Variants in RALGPS1 observed in about 807,000 individuals in gnomAD.
The protein encoded by RALGPS1 is ras-specific guanine nucleotide-releasing factor RalGPS1.
Under a neutral mutation model 78.8 loss-of-function variants are expected in RALGPS1, and 19 were observed. The ratio of observed to expected loss-of-function variants is 0.24; its 90% CI spans 0.17 to 0.35. The LOEUF (loss-of-function observed/expected upper bound fraction) is 0.35. Among genes scored for constraint, RALGPS1 ranks in the 10% least tolerant of loss-of-function variants. The pLI is 1.00. For synonymous variants in RALGPS1, 228 were observed against 256.3 expected (o/e 0.89, Z 1.06); for missense variants, 454 against 688.3 (o/e 0.66, Z 3.81).
chr9:127,145,820 CCT>C (rs2058062707), intron 8 of RALGPS1, among the ~76,000 whole-genome samples: 1 of 152,230 alleles, frequency 6.6e-6, no homozygotes. Context: ...AGCTTCCCAA[CCT>C]CTCTGACCTT....
intron 4 of RALGPS1, among the ~76,000 whole-genome samples, chr9:127,014,519 C>T (rs2044639407): frequency 2.0e-5 from 3 of 152,078 alleles, no homozygotes; most frequent in Non-Finnish European, 2.9e-5. Flanking sequence ...GATCAAAAAG[C>T]GAGTTAACTG....
chr9:126,924,861 G>C (rs1051797669), intron 1 of RALGPS1, among the ~76,000 whole-genome samples: 26 of 152,236 alleles, frequency 1.7e-4, no homozygotes, highest in East Asian at 1.2e-3. Context: ...CGTGGTGGCT[G>C]ACGCCTGTAA....
chr9:127,137,952 C>T (rs1262646034), intron 8 of RALGPS1, among the ~76,000 whole-genome samples: 1 of 152,148 alleles, frequency 6.6e-6, no homozygotes, highest in Non-Finnish European at 1.5e-5. Context: ...ACACGTAGCC[C>T]TCAGAGAATG....
At chr9:126,969,186 A>G (rs190061052) in intron 3 of RALGPS1, among the ~76,000 whole-genome samples, 274 of 152,344 alleles carry the variant, frequency 1.8e-3, no homozygotes, top group African/African-American at 5.5e-3. Flanking sequence ...AATTATTGAA[A>G]TACTTTATAT....
intron 8 of RALGPS1, chr9:127,108,830 G>T: frequency 1.6e-6 from 2 of 1,284,764 alleles, no homozygotes; most frequent in South Asian, 3.0e-5. Context: ...CACTGTCAGT[G>T]CCCTGTGCCA....
In RALGPS1 at chr9:127,219,172, C is replaced by T. The variant is rs1385063307; in HGVS notation, c.*403C>T. Reference sequence around the variant, plus strand: ...GAACAGCTGTGGAACAGGCTTTTTACACCCCAAGTGCATGGGGTTGCTCGC... The same window carrying T: ...GAACAGCTGTGGAACAGGCTTTTTATACCCCAAGTGCATGGGGTTGCTCGC... On this transcript the variant is annotated 3_prime_UTR_variant, in exon 19 of 19. Coordinates refer to ENST00000259351, the MANE Select transcript of RALGPS1 (RefSeq NM_014636.3). The surrounding 1 kb of genome is among the most constrained non-coding windows in gnomAD (Gnocchi z 5.0). 1 of 264,132 alleles carries T rather than the reference C, an allele frequency of 3.8e-6. No individual in the cohort carries two copies. The highest frequency in any genetic ancestry group is 7.4e-6 in the Non-Finnish European group (1 of 134,254). The allele number at this position is 264,132 out of a possible 1,614,324, so 16.4% of individuals were successfully genotyped here.
chr9:127,221,319 A>G lies in RALGPS1; in HGVS notation c.*2550A>G, dbSNP rs1183247484. 6.6e-6 allele frequency: 1 copy of G among 152,224 alleles called. No individual in the cohort carries two copies. Among genetic ancestry groups the G allele is most frequent in the African/African-American group, 2.4e-5 (1 of 41,458 alleles). The allele number at this position is 152,224 out of a possible 1,614,324, so 9.4% of individuals were successfully genotyped here. On this transcript the variant is annotated 3_prime_UTR_variant, in exon 19 of 19. Transcript: ENST00000259351. ...CTCCTTGACTGTCCAGAGTGTACAA[A>G]TGTTCATAACGCCATTGAAGGGATT...
At chr9:127,196,195 C>T (rs529155409) in intron 12 of RALGPS1, among the ~76,000 whole-genome samples, 2 of 152,350 alleles carry the variant, frequency 1.3e-5, no homozygotes, top group African/African-American at 2.4e-5. Context: ...TCATCACTCA[C>T]GAGCACATCT....
intron 8 of RALGPS1, among the ~76,000 whole-genome samples, chr9:127,117,987 G>T (rs1233792981): frequency 6.6e-6 from 1 of 152,212 alleles, no homozygotes; most frequent in Non-Finnish European, 1.5e-5. Context: ...CCCCAGACAG[G>T]CTGATTTCAG....
intron 8 of RALGPS1, among the ~76,000 whole-genome samples, chr9:127,081,792 G>T (rs1315705932): frequency 2.0e-5 from 3 of 152,204 alleles, no homozygotes; most frequent in Non-Finnish European, 4.4e-5. Flanking sequence ...CCTTGGAGCT[G>T]GATTTATTAA....
intron 11 of RALGPS1, among the ~76,000 whole-genome samples, chr9:127,182,964 G>A (rs914865404): frequency 6.6e-6 from 1 of 152,058 alleles, no homozygotes; most frequent in African/African-American, 2.4e-5. Flanking sequence ...TTCTGGTGAG[G>A]GCCTCAAGAA....
intron 7 of RALGPS1, among the ~76,000 whole-genome samples, chr9:127,061,828 A>T (rs2049237579): frequency 6.6e-6 from 1 of 151,878 alleles, no homozygotes; most frequent in Admixed American, 6.6e-5. Flanking sequence ...TTGGTGCCTG[A>T]CTCTCTGCCC....
chr9:126,939,542 ATTAG>A (rs1268082997), intron 1 of RALGPS1, among the ~76,000 whole-genome samples: 4 of 152,214 alleles, frequency 2.6e-5, no homozygotes, highest in Non-Finnish European at 5.9e-5. Context: ...AGCTGTTGCT[ATTAG>A]TTAATCCTTA....
chr9:127,088,718 A>T, intron 8 of RALGPS1: 1 of 595,390 alleles, frequency 1.7e-6, no homozygotes. Flanking sequence ...TGTCCTGGAG[A>T]CATGAGGGGC....
intron 4 of RALGPS1, among the ~76,000 whole-genome samples, chr9:127,016,279 C>G (rs552533493): frequency 1.1e-4 from 17 of 152,176 alleles, no homozygotes; most frequent in Admixed American, 4.6e-4. Context: ...TGCAATTGCC[C>G]AGTCTCCAGG....
chr9:127,091,892 T>C lies in RALGPS1; in HGVS notation c.610+22536T>C, dbSNP rs1475870450. ...TTGCCTTGGTTCGTCAGCCAGTAAATGTTCTCCAGGCCCAGCCAGTATTCG... is the reference window on the plus strand; with the variant it reads ...TTGCCTTGGTTCGTCAGCCAGTAAACGTTCTCCAGGCCCAGCCAGTATTCG... On this transcript the variant is annotated intron_variant, in intron 8 of 18. Coordinates refer to ENST00000259351, the MANE Select transcript of RALGPS1 (RefSeq NM_014636.3). The surrounding 1 kb of genome is among the most constrained non-coding windows in gnomAD (Gnocchi z 4.3). 6.2e-7 allele frequency: 1 copy of C among 1,614,140 alleles called. No homozygotes were observed. The highest frequency in any genetic ancestry group is 8.5e-7 in the Non-Finnish European group (1 of 1,180,040).
chr9:127,113,457 T>C (rs1314864050), intron 8 of RALGPS1, among the ~76,000 whole-genome samples: 2 of 151,988 alleles, frequency 1.3e-5, no homozygotes, highest in African/African-American at 4.8e-5. Context: ...ACTTTTGCTC[T>C]CTTGATATTT....
intron 8 of RALGPS1, among the ~76,000 whole-genome samples, chr9:127,164,111 A>G (rs1008977926): frequency 3.3e-5 from 5 of 152,248 alleles, no homozygotes; most frequent in Middle Eastern, 3.4e-3. Context: ...TAGTAAGGTC[A>G]ATGAAAGTAG....
intron 8 of RALGPS1, among the ~76,000 whole-genome samples, chr9:127,092,712 G>C (rs2052628850): frequency 6.6e-6 from 1 of 152,096 alleles, no homozygotes; most frequent in African/African-American, 2.4e-5. Flanking sequence ...GGGTGAACCA[G>C]GATTTGAACC....
Sources: gnomAD v4.1 joint callset for allele counts (sites outside exome capture counted in the v4.1 genomes callset) on GRCh38, gnomAD v4.1.1 for gene constraint, Gnocchi (gnomAD v3.1) non-coding constraint, MANE v1.5 for transcripts, NCBI Gene and HGNC (gene_info 2026-07-23, HGNC 2026-07-21) for gene names.